Variants in UCP3 observed in about 807,000 individuals in gnomAD.
The protein encoded by UCP3 is putative mitochondrial transporter UCP3.
UCP3 carries 24 observed loss-of-function variants against 28.1 expected under a neutral mutation model. The observed-to-expected ratio is 0.85, with a 90% CI of 0.62 to 1.20. The LOEUF is 1.20. UCP3 is among the 50% of genes most tolerant of loss of function. The pLI, the probability that UCP3 is intolerant of heterozygous loss-of-function variation, is 0.00. For synonymous variants in UCP3, 184 were observed against 171.2 expected (o/e 1.07, Z -0.59); for missense variants, 397 against 422.2 (o/e 0.94, Z 0.52).
At position 74,003,605 on chromosome 11, in the gene UCP3, A is replaced by G. The variant is rs17132555; in HGVS notation, c.824+222T>C. ...CTGGAGACAGGCAGTACTTTTACCT[A>G]TTCCTGGAGTGTTTGTTCTCAGTCA... On this transcript the variant is annotated intron_variant, in intron 6 of 6. Coordinates refer to ENST00000314032, the MANE Select transcript of UCP3 (RefSeq NM_003356.4). 5.8e-3 allele frequency: 7,637 copies of G among 1,317,884 alleles called. 361 individuals are homozygous for G. In the African/African-American group the frequency reaches 0.099, roughly 17 times the overall value. 81.6% of individuals were successfully genotyped at this position (1,317,884 alleles called of 1,614,324 possible).
At position 74,006,218 on chromosome 11, in the gene UCP3, G is replaced by T. The variant is rs2229706; in HGVS notation, c.288C>A (p.Ile96=). 1 of 1,614,028 alleles carries T rather than the reference G, an allele frequency of 6.2e-7. No individual in the cohort carries two copies. The highest frequency in any genetic ancestry group is 8.5e-7 in the Non-Finnish European group (1 of 1,180,048). ...QRQMSFASIR[I]GLYDSVKQVY... is the part of the protein sequence containing the mutation. The stretch of plus-strand genomic sequence containing the variant: ...CCTGCTTGACGGAGTCATAGAGGCC[G>T]ATGCGGATGGAGGCGAAGCTCATCT... The change falls in exon 3 of 7, where the codon ATC becomes ATA. Residue 96 remains isoleucine, a synonymous_variant. Transcript: ENST00000314032.
intron 1 of UCP3, among the ~76,000 whole-genome samples, chr11:74,008,381 T>G (rs1951682185): frequency 1.3e-5 from 2 of 152,152 alleles, no homozygotes; most frequent in African/African-American, 4.8e-5. Flanking sequence ...GTGGTAGCTC[T>G]GAAGCAGGGG....
intron 1 of UCP3, chr11:74,007,433 C>T (rs1425206521): frequency 4.1e-5 from 8 of 195,490 alleles, no homozygotes; most frequent in Non-Finnish European, 8.6e-5. Flanking sequence ...TATCAAACTG[C>T]CTCCTTTTTT....
At chr11:74,002,945 G>T (rs897894820) in intron 6 of UCP3, 1 of 985,264 alleles carries the variant, frequency 1.0e-6, no homozygotes, top group Non-Finnish European at 1.2e-6. Flanking sequence ...ACATTGTTGG[G>T]TGTGGTGTCT....
At chr11:74,004,113 G>C in intron 5 of UCP3, 106 bp from the exon 6 acceptor site, 1 of 1,527,940 alleles carries the variant, frequency 6.5e-7, no homozygotes, top group Middle Eastern at 1.8e-4. Flanking sequence ...GCATAGGACA[G>C]TATTTTCCAT....
chr11:74,007,682 A>C (rs1951677304), intron 1 of UCP3, among the ~76,000 whole-genome samples: 1 of 152,120 alleles, frequency 6.6e-6, no homozygotes, highest in Non-Finnish European at 1.5e-5. Context: ...ATCACTTGAC[A>C]AGAGGGGCAG....
rs146814014 is a variant in UCP3, at chr11:74,005,843, C to T, written c.428G>A (p.Arg143Gln). The T allele has an allele frequency of 5.7e-5, 92 of 1,614,194 alleles. No homozygotes were observed. In the African/African-American group the frequency reaches 1.0e-3, roughly 18 times the overall value. The change falls in exon 4 of 7, where the codon CGA (arginine) becomes CAA (glutamine). Residue 143 changes from arginine to glutamine, a missense_variant. Transcript: ENST00000314032. ...CCCGAGGTGTATGCTGGCCTGAAAT[C>T]GGACCTTCACCACATCTGTGGGCTG... is the stretch of plus-strand genomic sequence containing the variant. ...CAQPTDVVKV[R>Q]FQASIHLGPS... is the part of the protein sequence containing the mutation.
chr11:74,001,708 A>G, intron 6 of UCP3, 182 bp from the exon 7 acceptor site: 1 of 608,606 alleles, frequency 1.6e-6, no homozygotes, highest in East Asian at 2.8e-5. Context: ...TTTAGGCAGA[A>G]GTCGGAGTAA....
At position 74,006,992 on chromosome 11, in the gene UCP3, G is replaced by A; in HGVS notation, c.51C>T (p.Phe17=). The change falls in exon 2 of 7, where the codon TTC becomes TTT. Residue 17 remains phenylalanine (F), a synonymous_variant. Coordinates refer to ENST00000314032, the MANE Select transcript of UCP3 (RefSeq NM_003356.4). ...AACAGGCTGCTGTGCCTGCCCCCAG[G>A]AACTTCACAGCCATGGTGGGAGGCA... ...SDVPPTMAVK[F]LGAGTAACFA... 6.2e-7 allele frequency: 1 copy of A among 1,614,188 alleles called. No individual in the cohort carries two copies. Among genetic ancestry groups the A allele is most frequent in the Non-Finnish European group, 8.5e-7 (1 of 1,180,046 alleles).
At position 74,005,758 on chromosome 11, in the gene UCP3, C is replaced by G; in HGVS notation, c.513G>C (p.Arg171Ser). 1 of 1,614,220 alleles carries G rather than the reference C, an allele frequency of 6.2e-7. No individual in the cohort carries two copies. Among genetic ancestry groups the G allele is most frequent in the East Asian group, 2.2e-5 (1 of 44,876 alleles). Reference protein sequence around the residue: ...GTMDAYRTIAREEGVRGLWKG... With the variant: ...GTMDAYRTIASEEGVRGLWKG... The stretch of plus-strand genomic sequence containing the variant: ...TCCACAGGCCCCTGACTCCTTCCTC[C>G]CTGGCGATGGTTCTGTAGGCGTCCA... The change falls in exon 4 of 7, where the codon AGG becomes AGC. Residue 171 changes from arginine to serine, a missense_variant. Arg to Ser is a moderately radical substitution (Grantham distance 110). Transcript: ENST00000314032.
chr11:74,006,139 C>T (rs1406281871), intron 3 of UCP3, 30 bp downstream of exon 3: 3 of 1,612,970 alleles, frequency 1.9e-6, no homozygotes, highest in Non-Finnish European at 2.5e-6. Flanking sequence ...TTCAGCCACC[C>T]CTTTGGTGTT....
intron 1 of UCP3, 124 bp from the exon 2 acceptor site, chr11:74,007,261 T>G (rs1488600034): frequency 1.7e-6 from 1 of 603,768 alleles, no homozygotes; most frequent in African/African-American, 1.9e-5. Context: ...TTAAGCTGCA[T>G]GAATTTGGCC....
chr11:74,001,725 G>GAAA, intron 6 of UCP3, 199 bp from the exon 7 acceptor site: 1 of 555,170 alleles, frequency 1.8e-6, no homozygotes, highest in Non-Finnish European at 3.2e-6. Flanking sequence ...GTAAGGAAAA[G>GAAA]AAAAAAAAAC....
At chr11:74,006,126 A>C in intron 3 of UCP3, 43 bp downstream of exon 3, 1 of 1,609,816 alleles carries the variant, frequency 6.2e-7, no homozygotes, top group East Asian at 2.2e-5. Context: ...TGACCCACAC[A>C]CTTTCAGCCA....
chr11:74,005,310 C>T (rs1427446791), intron 4 of UCP3, among the ~76,000 whole-genome samples: 1 of 152,180 alleles, frequency 6.6e-6, no homozygotes, highest in Admixed American at 6.5e-5. Context: ...TGCTTGAGGG[C>T]CCCTCCCCTT....
At chr11:74,004,119 T>C (rs141151790) in intron 5 of UCP3, 112 bp from the exon 6 acceptor site, 3 of 1,514,142 alleles carry the variant, frequency 2.0e-6, no homozygotes, top group African/African-American at 2.8e-5. Flanking sequence ...GACAGTATTT[T>C]CCATATCTCT....
intron 4 of UCP3, 71 bp downstream of exon 4, chr11:74,005,659 G>C: frequency 3.9e-6 from 6 of 1,557,088 alleles, no homozygotes; most frequent in Non-Finnish European, 5.3e-6. Flanking sequence ...CTCCTTACTG[G>C]GGTCCCTGCC....
intron 4 of UCP3, 108 bp from the exon 5 acceptor site, chr11:74,004,693 C>T: frequency 1.0e-6 from 1 of 956,120 alleles, no homozygotes; most frequent in Non-Finnish European, 1.6e-6. Context: ...AGTTTTGGGG[C>T]CATAGTGCCC....
At chr11:74,004,055 T>C in intron 5 of UCP3, 48 bp from the exon 6 acceptor site, 1 of 1,604,718 alleles carries the variant, frequency 6.2e-7, no homozygotes, top group Non-Finnish European at 8.5e-7. Flanking sequence ...TTGTGTTCTG[T>C]CCATATGTAT....
Sources: gnomAD v4.1 joint callset for allele counts (sites outside exome capture counted in the v4.1 genomes callset) on GRCh38, gnomAD v4.1.1 for gene constraint, MANE v1.5 for transcripts, NCBI Gene and HGNC (gene_info 2026-07-23, HGNC 2026-07-21) for gene names.